The following DIP2B variants were observed in gnomAD, a reference collection of about 807,000 sequenced individuals.
DIP2B encodes the protein disco-interacting protein 2 homolog B.
DIP2B carries 76 observed loss-of-function variants against 198.0 expected under a neutral mutation model. The ratio of observed to expected loss-of-function variants is 0.38; its 90% CI spans 0.32 to 0.46. The LOEUF (loss-of-function observed/expected upper bound fraction) is 0.46, where lower values mean the gene tolerates loss of function less well. DIP2B is among the 20% of genes least tolerant of loss of function. The probability of loss-of-function intolerance (pLI) is 0.99; values close to 1 mark genes in which losing one functional copy is unlikely to be tolerated. For missense variants in DIP2B, 1,559 were observed against 1,978.4 expected (o/e 0.79, Z 4.02); for synonymous variants, 701 against 739.1 (o/e 0.95, Z 0.84).
intron 17 of DIP2B, among the ~76,000 whole-genome samples, chr12:50,697,826 G>C (rs1313792935): frequency 6.6e-6 from 1 of 151,342 alleles, no homozygotes; most frequent in African/African-American, 2.4e-5. Context: ...CACCAAGCCT[G>C]GCCCAGTACG....
chr12:50,565,445 G>A (rs575901683), intron 1 of DIP2B, among the ~76,000 whole-genome samples: 2 of 152,188 alleles, frequency 1.3e-5, no homozygotes, highest in East Asian at 1.9e-4. Context: ...ACAGGCGCCC[G>A]CCACCACGCC....
At chr12:50,692,273 T>A (rs1056919056) in intron 13 of DIP2B, among the ~76,000 whole-genome samples, 1 of 152,058 alleles carries the variant, frequency 6.6e-6, no homozygotes. Context: ...ATAGATAGAA[T>A]GTTTAGAGAT....
chr12:50,694,138 C>T (rs545309621), intron 14 of DIP2B, among the ~76,000 whole-genome samples: 1 of 152,238 alleles, frequency 6.6e-6, no homozygotes, highest in South Asian at 2.1e-4. Context: ...GTGGCAAGTA[C>T]GAACATGATA....
At chr12:50,616,289 T>C (rs537521692) in intron 1 of DIP2B, among the ~76,000 whole-genome samples, 1 of 152,372 alleles carries the variant, frequency 6.6e-6, no homozygotes, top group South Asian at 2.1e-4. Context: ...GAAATTTGAA[T>C]GTCCTAGAGT....
intron 22 of DIP2B, among the ~76,000 whole-genome samples, chr12:50,709,861 C>T (rs1443956075): frequency 6.6e-6 from 1 of 151,970 alleles, no homozygotes; most frequent in Non-Finnish European, 1.5e-5. Context: ...ACCAGTAGCC[C>T]CAGCTACTCA....
At chr12:50,578,545 T>C (rs1289775568) in intron 1 of DIP2B, among the ~76,000 whole-genome samples, 2 of 145,320 alleles carry the variant, frequency 1.4e-5, no homozygotes, top group Non-Finnish European at 3.0e-5. Context: ...TCTCGCTCTG[T>C]GGCCCAGGCG....
At chr12:50,668,942 C>A (rs1938802131) in intron 4 of DIP2B, among the ~76,000 whole-genome samples, 2 of 152,050 alleles carry the variant, frequency 1.3e-5, no homozygotes, top group African/African-American at 4.8e-5. Context: ...TTTAAATTTT[C>A]TTTTAATCAC....
At chr12:50,675,040 G>C (rs1400362026) in intron 6 of DIP2B, among the ~76,000 whole-genome samples, 1 of 152,170 alleles carries the variant, frequency 6.6e-6, no homozygotes, top group Non-Finnish European at 1.5e-5. Context: ...AGTGAGCCAA[G>C]ATGGCGCCAC....
rs559859346 is a variant in DIP2B at position 50,509,407 on chromosome 12, T to C, written c.100+4167T>C. On this transcript the variant is annotated intron_variant, in intron 1 of 37. Coordinates refer to ENST00000301180, the MANE Select transcript of DIP2B (RefSeq NM_173602.3). ...GCAGGAAGGAGCTCAAGTCTTTCAG[T>C]GTCTGAGAACAGTCCAAAGATGACA... is the stretch of plus-strand genomic sequence containing the variant. Among the ~76,000 whole-genome samples, 38 of 152,318 alleles carry C rather than the reference T, an allele frequency of 2.5e-4. 1 individual carries two copies. The South Asian group carries it at 5.6e-3, about 22-fold the overall frequency.
At chr12:50,678,548 T>C (rs1171233696) in intron 7 of DIP2B, 131 bp from the exon 8 acceptor site, 2 of 957,910 alleles carry the variant, frequency 2.1e-6, no homozygotes, top group South Asian at 1.7e-5. Context: ...TTTCTAACCA[T>C]GTCCTTTCTC....
chr12:50,619,233 G>T lies in DIP2B; in HGVS notation c.101-6743G>T, dbSNP rs371509960. ...GACCCTCCAGAATTTTTCAGATGTTGTGTTTATTTAGCCCCTAATTGCTCA... is the reference window on the plus strand; with the variant it reads ...GACCCTCCAGAATTTTTCAGATGTTTTGTTTATTTAGCCCCTAATTGCTCA... On this transcript the variant is annotated intron_variant, in intron 1 of 37. Coordinates refer to ENST00000301180, the MANE Select transcript of DIP2B (RefSeq NM_173602.3). Among the ~76,000 whole-genome samples, 191 of 152,244 alleles carry T rather than the reference G, an allele frequency of 1.3e-3. 5 individuals are homozygous for T. The South Asian group carries it at 0.039, about 31-fold the overall frequency.
intron 4 of DIP2B, among the ~76,000 whole-genome samples, chr12:50,660,986 G>A (rs1938636235): frequency 6.6e-6 from 1 of 152,126 alleles, no homozygotes; most frequent in South Asian, 2.1e-4. Flanking sequence ...GCTCCCTAAG[G>A]TAAATTTAAA....
chr12:50,654,452 T>G (rs1215377635), intron 3 of DIP2B, among the ~76,000 whole-genome samples: 2 of 151,596 alleles, frequency 1.3e-5, no homozygotes, highest in African/African-American at 2.4e-5. Flanking sequence ...CCTCCTGTGC[T>G]CAAGTGATCC....
At chr12:50,636,000 A>G (rs1938153145) in intron 2 of DIP2B, among the ~76,000 whole-genome samples, 2 of 152,246 alleles carry the variant, frequency 1.3e-5, no homozygotes, top group Admixed American at 6.5e-5. Flanking sequence ...AGGAGATACA[A>G]GATGCTTAAG....
chr12:50,707,445 G>A (rs1939533687), intron 21 of DIP2B, among the ~76,000 whole-genome samples: 1 of 152,236 alleles, frequency 6.6e-6, no homozygotes, highest in Admixed American at 6.5e-5. Flanking sequence ...GTGAATGTAT[G>A]TGGAAGGAAG....
intron 1 of DIP2B, among the ~76,000 whole-genome samples, chr12:50,563,694 C>G (rs1958539751): frequency 6.6e-6 from 1 of 151,798 alleles, no homozygotes; most frequent in African/African-American, 2.4e-5. Flanking sequence ...TGGGGTGTCA[C>G]TATATTGCCC....
At chr12:50,674,331 T>G in intron 5 of DIP2B, 143 bp from the exon 6 acceptor site, 2 of 832,304 alleles carry the variant, frequency 2.4e-6, no homozygotes, top group Non-Finnish European at 3.7e-6. Context: ...TGCTAATAGA[T>G]TCTGATTTTT....
At chr12:50,541,286 C>T (rs1006658298) in intron 1 of DIP2B, among the ~76,000 whole-genome samples, 1 of 151,704 alleles carries the variant, frequency 6.6e-6, no homozygotes, top group Non-Finnish European at 1.5e-5. Flanking sequence ...ACTTTTTAAG[C>T]TTCTTTTATT....
At chr12:50,588,096 G>T (rs1043053038) in intron 1 of DIP2B, among the ~76,000 whole-genome samples, 1 of 151,842 alleles carries the variant, frequency 6.6e-6, no homozygotes, top group African/African-American at 2.4e-5. Flanking sequence ...TAACACTTTG[G>T]TGAAACAGTG....
Sources: allele counts gnomAD v4.1 joint callset (sites outside exome capture counted in the v4.1 genomes callset), GRCh38; gene constraint gnomAD v4.1.1; transcripts MANE v1.5; gene names NCBI Gene and HGNC (gene_info 2026-07-23, HGNC 2026-07-21).